The following MYO9A variants were observed in gnomAD, a reference collection of about 807,000 sequenced individuals.
MYO9A encodes unconventional myosin-IXa.
MYO9A carries 103 observed loss-of-function variants against 293.3 expected under a neutral mutation model. That is an observed-to-expected ratio of 0.35 (90% CI 0.30 to 0.41). The LOEUF (loss-of-function observed/expected upper bound fraction) is 0.41, where lower values mean the gene tolerates loss of function less well. Among genes scored for constraint, MYO9A ranks in the 10% least tolerant of loss-of-function variants. MYO9A has a pLI of 1.00. For missense variants in MYO9A, 2,685 were observed against 3,033.0 expected (o/e 0.89, Z 2.69); for synonymous variants, 1,001 against 1,035.7 (o/e 0.97, Z 0.64).
At chr15:71,982,491 A>C (rs2148025353) in intron 11 of MYO9A, among the ~76,000 whole-genome samples, 1 of 152,118 alleles carries the variant, frequency 6.6e-6, no homozygotes, top group East Asian at 1.9e-4. Flanking sequence ...ATCCCACGCA[A>C]ACTTGAAAAA....
At position 71,862,630 on chromosome 15, in the gene MYO9A, C is replaced by T. The variant is rs757600811; in HGVS notation, c.5980-19G>A. On this transcript the variant is annotated intron_variant, in intron 32 of 41. Coordinates refer to ENST00000356056, the MANE Select transcript of MYO9A (RefSeq NM_006901.4). ...CTTCCACCTGAATGAAAAAATTTAG[C>T]TACTTATATTAAAGCCAACACAGTA... The T allele has an allele frequency of 6.5e-7, 1 of 1,533,910 alleles. No homozygotes were observed. The highest frequency in any genetic ancestry group is 2.3e-5 in the East Asian group (1 of 44,352).
intron 12 of MYO9A, among the ~76,000 whole-genome samples, chr15:71,971,018 G>A (rs903457368): frequency 1.2e-4 from 18 of 151,908 alleles, no homozygotes; most frequent in Admixed American, 2.6e-4. Context: ...AAAATTAGCC[G>A]GGCATGGGGG....
chr15:71,879,669 A>G, intron 30 of MYO9A, 52 bp downstream of exon 30: 1 of 1,364,440 alleles, frequency 7.3e-7, no homozygotes, highest in Non-Finnish European at 1.0e-6. Flanking sequence ...CAGCGCTATC[A>G]AATTTTTCAT....
At position 72,031,330 on chromosome 15, in the gene MYO9A, T is replaced by C. The variant is rs570634650; in HGVS notation, c.935+1164A>G. 4.0e-5 allele frequency among the ~76,000 whole-genome samples: 6 copies of C among 151,804 alleles called. No individual in the cohort carries two copies. In the East Asian group the frequency reaches 1.2e-3, roughly 30 times the overall value. The stretch of plus-strand genomic sequence containing the variant: ...GTGAAACAGCATCTCTACCAAAAAA[T>C]ACAAAATTAGCCAGGTATGGTGGTA... On this transcript the variant is annotated intron_variant, in intron 3 of 41. Transcript: ENST00000356056.
At chr15:71,949,616 T>G (rs1235228269) in intron 15 of MYO9A, among the ~76,000 whole-genome samples, 1 of 152,046 alleles carries the variant, frequency 6.6e-6, no homozygotes, top group Non-Finnish European at 1.5e-5. Flanking sequence ...GCTCAGCTAT[T>G]ATAGTTATGT....
At chr15:72,063,396 A>G (rs1021071387) in intron 1 of MYO9A, among the ~76,000 whole-genome samples, 1 of 152,236 alleles carries the variant, frequency 6.6e-6, no homozygotes, top group Non-Finnish European at 1.5e-5. Flanking sequence ...AAATGGACAA[A>G]TAGGATTACA....
At chr15:71,940,633 T>C (rs1275993121) in intron 15 of MYO9A, among the ~76,000 whole-genome samples, 1 of 152,212 alleles carries the variant, frequency 6.6e-6, no homozygotes, top group Non-Finnish European at 1.5e-5. Context: ...AATGGAATAC[T>C]ATCTATGTGC....
At chr15:71,937,399 T>C (rs1264877018) in intron 16 of MYO9A, among the ~76,000 whole-genome samples, 1 of 152,118 alleles carries the variant, frequency 6.6e-6, no homozygotes, top group Non-Finnish European at 1.5e-5. Context: ...TCCACCACCT[T>C]AAACAGTCAG....
intron 1 of MYO9A, among the ~76,000 whole-genome samples, chr15:72,113,724 C>T (rs2080865183): frequency 6.6e-6 from 1 of 152,058 alleles, no homozygotes; most frequent in Non-Finnish European, 1.5e-5. Context: ...TTCCTGATAC[C>T]CATATATACA....
intron 1 of MYO9A, among the ~76,000 whole-genome samples, chr15:72,093,787 T>G (rs2079993030): frequency 1.1e-5 from 1 of 89,144 alleles, no homozygotes; most frequent in East Asian, 2.4e-4. Flanking sequence ...CTTGGGAGGC[T>G]AAGGCACAAG....
intron 1 of MYO9A, chr15:72,114,412 C>T (rs982179383): frequency 6.6e-6 from 1 of 152,128 alleles, no homozygotes; most frequent in Non-Finnish European, 1.5e-5. Flanking sequence ...AAGGAATGAC[C>T]TGAAATATCA....
Position 71,852,210 on chromosome 15 carries a change from C to T in MYO9A, c.6397G>A (p.Val2133Ile), listed in dbSNP as rs368793464. 21 of 1,613,212 alleles carry T rather than the reference C, an allele frequency of 1.3e-5. No homozygotes were observed. Among genetic ancestry groups the T allele is most frequent in the Non-Finnish European group, 1.8e-5 (21 of 1,179,384 alleles). ...DDYNIHVIAS[V>I]FKQWLRDLPN... Reference sequence around the variant, plus strand: ...AAATCTCGAAGCCATTGTTTGAATACACTTGCAATGACGTGTATGTTATAG... The same window carrying T: ...AAATCTCGAAGCCATTGTTTGAATATACTTGCAATGACGTGTATGTTATAG... Residue 2133 changes from valine (V) to isoleucine (I), a missense_variant, in exon 36 of 42, where the codon GTA becomes ATA. This residue lies in a region of MYO9A where 238 missense variants were observed against 269.1 expected (regional missense o/e 0.88). Coordinates refer to ENST00000356056, the MANE Select transcript of MYO9A (RefSeq NM_006901.4).
rs1198820908 is a variant in MYO9A, at chr15:72,046,069, G to A, written c.495C>T (p.Asn165=). ...TTTCATGCTTAAAGCGATTTCGTAG[G>A]TTTTCTAAGAGAGTTTTCTCATTCA... is the stretch of plus-strand genomic sequence containing the variant. ...PDLNEKTLLE[N]LRNRFKHEKI... is the part of the protein sequence containing the mutation. Residue 165 remains asparagine, a synonymous_variant, in exon 2 of 42, where the codon AAC becomes AAT. Transcript: ENST00000356056. 7 of 1,613,468 alleles carry A rather than the reference G, an allele frequency of 4.3e-6. No individual in the cohort carries two copies. Among genetic ancestry groups the A allele is most frequent in the Non-Finnish European group, 5.9e-6 (7 of 1,179,878 alleles).
intron 1 of MYO9A, among the ~76,000 whole-genome samples, chr15:72,052,393 C>A (rs1048638974): frequency 6.6e-6 from 1 of 152,230 alleles, no homozygotes; most frequent in Admixed American, 6.5e-5. Context: ...CTTCACCTTG[C>A]TCACCTTCCA....
intron 1 of MYO9A, among the ~76,000 whole-genome samples, chr15:72,079,984 C>T (rs1281540204): frequency 6.6e-6 from 1 of 152,136 alleles, no homozygotes; most frequent in Non-Finnish European, 1.5e-5. Context: ...TTAAATCACT[C>T]AATAGTGATT....
At chr15:72,023,486 A>G (rs1468650110) in intron 4 of MYO9A, among the ~76,000 whole-genome samples, 1 of 152,110 alleles carries the variant, frequency 6.6e-6, no homozygotes, top group African/African-American at 2.4e-5. Context: ...TGAGGTCAGG[A>G]GTTCGAGGCC....
Position 72,018,929 on chromosome 15 carries a change from G to A in MYO9A, c.1155+110C>T, listed in dbSNP as rs2149157750. The A allele has an allele frequency of 8.6e-6, 7 of 811,446 alleles. No homozygotes were observed. The Admixed American group carries it at 1.2e-4, about 13-fold the overall frequency. The allele number at this position is 811,446 out of a possible 1,614,324, so 50.3% of individuals were successfully genotyped here. A position where few individuals can be genotyped will look rare whatever the true frequency, so the allele number is the denominator to read the frequency against. On this transcript the variant is annotated intron_variant, in intron 6 of 41. Coordinates refer to ENST00000356056, the MANE Select transcript of MYO9A (RefSeq NM_006901.4). ...AAACATTGATTTATCTTCCTTCCTA[G>A]GATTCTTTGTATTTCAGCTGATTTG...
Position 71,823,371 on chromosome 15 carries a change from T to C in MYO9A, c.*3209A>G, listed in dbSNP as rs2054347177. 1 of 152,334 alleles carries C rather than the reference T, an allele frequency of 6.6e-6. No homozygotes were observed. The highest frequency in any genetic ancestry group is 2.1e-4 in the South Asian group (1 of 4,824). The allele number at this position is 152,334 out of a possible 1,614,324, so 9.4% of individuals were successfully genotyped here. The stretch of plus-strand genomic sequence containing the variant: ...TATGAAACACAGAATGGAGTCTTCA[T>C]TAATCTTCCAGCAGGGTAAGTGCTC... On this transcript the variant is annotated 3_prime_UTR_variant, in exon 42 of 42. Transcript: ENST00000356056.
intron 39 of MYO9A, among the ~76,000 whole-genome samples, chr15:71,839,753 T>G (rs1045259306): frequency 6.6e-6 from 1 of 152,138 alleles, no homozygotes; most frequent in Non-Finnish European, 1.5e-5. Context: ...TACATGGATA[T>G]TCATTTTCCC....
Sources: gnomAD v4.1 joint callset for allele counts (sites outside exome capture counted in the v4.1 genomes callset) on GRCh38, gnomAD v4.1.1 for gene constraint, gnomAD v4.1.1 regional missense constraint, MANE v1.5 for transcripts, NCBI Gene and HGNC (gene_info 2026-07-23, HGNC 2026-07-21) for gene names.